Variants in KCNIP4 observed in about 807,000 individuals in gnomAD.
The protein encoded by KCNIP4 is Kv channel-interacting protein 4.
In KCNIP4, 12 loss-of-function variants were observed where a neutral mutation model predicts 34.0. That is an observed-to-expected ratio of 0.35 (90% CI 0.23 to 0.57). KCNIP4 has a LOEUF of 0.57. Ranked by LOEUF, KCNIP4 falls within the 20% of genes least tolerant of loss-of-function variation. KCNIP4 has a pLI of 0.83. For missense variants in KCNIP4, 238 were observed against 311.7 expected, an observed-to-expected ratio of 0.76 and a Z score of 1.78; for synonymous variants, 124 against 102.2, an observed-to-expected ratio of 1.21 and a Z score of -1.29.
chr4:21,137,897 A>C (rs1751634122), intron 1 of KCNIP4, among the ~76,000 whole-genome samples: 1 of 51,384 alleles, frequency 1.9e-5, no homozygotes, highest in African/African-American at 1.3e-4. Flanking sequence ...TTTTTGATGG[A>C]GTCTTGCTCT....
At chr4:21,388,496 T>G (rs1227696881) in intron 1 of KCNIP4, among the ~76,000 whole-genome samples, 1 of 152,044 alleles carries the variant, frequency 6.6e-6, no homozygotes, top group African/African-American at 2.4e-5. Flanking sequence ...TTTATAACAG[T>G]TTTATTGGGG....
chr4:20,868,645 A>G (rs1577284572), intron 2 of KCNIP4, among the ~76,000 whole-genome samples: 1 of 152,288 alleles, frequency 6.6e-6, no homozygotes, highest in Non-Finnish European at 1.5e-5. Flanking sequence ...ACACCATGAA[A>G]TACTATGCAG....
chr4:21,127,667 A>G (rs897800654), intron 1 of KCNIP4, among the ~76,000 whole-genome samples: 5 of 152,212 alleles, frequency 3.3e-5, no homozygotes, highest in Admixed American at 6.5e-5. Flanking sequence ...TTTATTGAAG[A>G]AATGAAAGAA....
chr4:21,848,133 T>G (rs1012028642), intron 1 of KCNIP4: 1 of 152,152 alleles, frequency 6.6e-6, no homozygotes, highest in Non-Finnish European at 1.5e-5. Flanking sequence ...CTCAGATATT[T>G]GAGTAGCCTC....
chr4:20,758,222 G>A (rs567987138), intron 4 of KCNIP4, among the ~76,000 whole-genome samples: 9 of 152,194 alleles, frequency 5.9e-5, no homozygotes, highest in East Asian at 1.9e-4. Context: ...TTATCATTAC[G>A]CTATCCTTGT....
chr4:21,633,201 G>A (rs1745884737), intron 1 of KCNIP4, among the ~76,000 whole-genome samples: 1 of 152,122 alleles, frequency 6.6e-6, no homozygotes, highest in Non-Finnish European at 1.5e-5. Context: ...AGGCATCTAT[G>A]TTTACCTAGC....
intron 1 of KCNIP4, among the ~76,000 whole-genome samples, chr4:21,802,478 T>A (rs2109255097): frequency 6.6e-6 from 1 of 152,280 alleles, no homozygotes; most frequent in African/African-American, 2.4e-5. Context: ...GGATATGTAT[T>A]TTTTATTTCC....
chr4:21,740,842 T>C (rs1716350058), intron 1 of KCNIP4, among the ~76,000 whole-genome samples: 1 of 152,214 alleles, frequency 6.6e-6, no homozygotes, highest in Admixed American at 6.5e-5. Flanking sequence ...CAGTTAAATC[T>C]TAGTTTCAAT....
chr4:20,934,044 A>C (rs1730783277), intron 1 of KCNIP4, among the ~76,000 whole-genome samples: 1 of 152,236 alleles, frequency 6.6e-6, no homozygotes, highest in Non-Finnish European at 1.5e-5. Context: ...TATTCAAGTA[A>C]GTATGAAAGC....
chr4:21,125,677 G>T lies in KCNIP4; in HGVS notation c.62-242968C>A, dbSNP rs143185866. Among the ~76,000 whole-genome samples, 382 of 152,228 alleles carry T rather than the reference G, an allele frequency of 2.5e-3. 2 individuals are homozygous for T. The highest frequency in any genetic ancestry group is 0.014 in the Middle Eastern group (4 of 294). On this transcript the variant is annotated intron_variant, in intron 1 of 8. Coordinates refer to ENST00000382152, the MANE Select transcript of KCNIP4 (RefSeq NM_025221.6). ...AAATTATAGATGATTTGAGCTAAAG[G>T]ATGGCAATGAGACTTTTGGACTCTG...
At chr4:21,208,023 T>C (rs1415161816) in intron 1 of KCNIP4, among the ~76,000 whole-genome samples, 3 of 151,706 alleles carry the variant, frequency 2.0e-5, no homozygotes, top group African/African-American at 7.3e-5. Flanking sequence ...TTGTATTTTT[T>C]GTAGATACGG....
At chr4:21,822,566 T>G (rs1284769044) in intron 1 of KCNIP4, among the ~76,000 whole-genome samples, 2 of 152,182 alleles carry the variant, frequency 1.3e-5, no homozygotes, top group African/African-American at 4.8e-5. Context: ...CATGGTAAAT[T>G]GGTAGTTTAC....
At chr4:20,926,224 T>G (rs1729886121) in intron 1 of KCNIP4, among the ~76,000 whole-genome samples, 1 of 152,192 alleles carries the variant, frequency 6.6e-6, no homozygotes, top group Non-Finnish European at 1.5e-5. Flanking sequence ...CTGTTAAGGC[T>G]CTTCTACACA....
chr4:21,061,809 A>G (rs770994957), intron 1 of KCNIP4, among the ~76,000 whole-genome samples: 3 of 152,146 alleles, frequency 2.0e-5, no homozygotes, highest in Admixed American at 6.6e-5. Context: ...GCTTTTAAAA[A>G]TGTAATTAAG....
At chr4:21,631,694 T>C (rs926127742) in intron 1 of KCNIP4, among the ~76,000 whole-genome samples, 2 of 152,202 alleles carry the variant, frequency 1.3e-5, no homozygotes, top group Non-Finnish European at 2.9e-5. Flanking sequence ...TCTATCTTTA[T>C]GTGCCCATAT....
At chr4:21,707,932 TACACACACACAC>T (rs3050896) in intron 1 of KCNIP4, among the ~76,000 whole-genome samples, 234 of 146,932 alleles carry the variant, frequency 1.6e-3, no homozygotes, top group East Asian at 1.5e-3. Flanking sequence ...AACACACACA[TACACACACACAC>T]ACACACACAC....
chr4:20,939,863 A>G (rs1731461998), intron 1 of KCNIP4, among the ~76,000 whole-genome samples: 1 of 152,192 alleles, frequency 6.6e-6, no homozygotes, highest in South Asian at 2.1e-4. Context: ...TTTCCACTTC[A>G]TCCAAAGACC....
chr4:21,249,145 G>A, intron 1 of KCNIP4, among the ~76,000 whole-genome samples: 1 of 151,868 alleles, frequency 6.6e-6, no homozygotes, highest in South Asian at 2.1e-4. Flanking sequence ...GTAAGAAGGG[G>A]GCTAATATTT....
intron 1 of KCNIP4, among the ~76,000 whole-genome samples, chr4:21,382,083 TATGCAGG>T (rs576330160): frequency 3.5e-4 from 54 of 152,330 alleles, no homozygotes; most frequent in African/African-American, 1.2e-3. Flanking sequence ...CCTTGGGATG[TATGCAGG>T]ATGTGGGAAT....
Sources: allele counts gnomAD v4.1 joint callset (sites outside exome capture counted in the v4.1 genomes callset), GRCh38; gene constraint gnomAD v4.1.1; transcripts MANE v1.5; gene names NCBI Gene and HGNC (gene_info 2026-07-23, HGNC 2026-07-21).